The following MBD5 variants were observed in gnomAD, a reference collection of about 807,000 sequenced individuals.
MBD5 encodes the protein methyl-CpG binding domain protein 5.
A neutral mutation model predicts 117.3 loss-of-function variants in MBD5; 13 were observed. The observed-to-expected ratio is 0.11, with a 90% confidence interval of 0.07 to 0.18. The LOEUF (loss-of-function observed/expected upper bound fraction) is 0.18. Among genes scored for constraint, MBD5 ranks in the 10% least tolerant of loss-of-function variants. The pLI is 1.00. For missense variants in MBD5, 1,879 were observed against 2,093.8 expected, an observed-to-expected ratio of 0.90 and a Z score of 2.00; for synonymous variants, 727 against 766.4, an observed-to-expected ratio of 0.95 and a Z score of 0.85.
At chr2:148,154,372 C>A (rs563360076) in intron 1 of MBD5, among the ~76,000 whole-genome samples, 1,879 of 151,788 alleles carry the variant, frequency 0.012, 18 homozygotes, top group African/African-American at 0.033. Flanking sequence ...GCAGAGGTTA[C>A]TGCTGTCTTT....
intron 1 of MBD5, among the ~76,000 whole-genome samples, chr2:148,032,571 A>C (rs1694070562): frequency 6.6e-6 from 1 of 152,130 alleles, no homozygotes; most frequent in African/African-American, 2.4e-5. Flanking sequence ...AGTTTAGAGC[A>C]AGAGTTTGCA....
At chr2:148,328,248 G>A (rs1432147172) in intron 3 of MBD5, among the ~76,000 whole-genome samples, 12 of 152,180 alleles carry the variant, frequency 7.9e-5, no homozygotes, top group Non-Finnish European at 1.8e-4. Flanking sequence ...CTTCAAAGCT[G>A]TCAGACAGGG....
Position 148,470,416 on chromosome 2 carries a change from C to T in MBD5, c.2473C>T (p.Pro825Ser). 2 of 1,611,574 alleles carry T rather than the reference C, an allele frequency of 1.2e-6. No individual in the cohort carries two copies. The highest frequency in any genetic ancestry group is 1.7e-6 in the Non-Finnish European group (2 of 1,178,458). Residue 825 changes from proline to serine, a missense_variant, in exon 8 of 14, where the codon CCA becomes TCA. This residue lies in a region of MBD5 where 1,666 missense variants were observed against 1,792.2 expected (regional missense o/e 0.93). Transcript: ENST00000642680. ...TTCAACGTCCTCCACTCCAGTGATA[C>T]CAAACAGCATTGTTAGCAGCTATAA... Reference protein sequence around the residue: ...RISTSSTPVIPNSIVSSYNQT... With the variant: ...RISTSSTPVISNSIVSSYNQT...
chr2:148,432,653 C>T (rs1706026381), intron 4 of MBD5, among the ~76,000 whole-genome samples: 1 of 151,958 alleles, frequency 6.6e-6, no homozygotes, highest in Admixed American at 6.6e-5. Flanking sequence ...TTGTTGTCAA[C>T]TTTGTTGGAG....
At chr2:148,057,158 G>GT (rs1237199402) in intron 1 of MBD5, among the ~76,000 whole-genome samples, 2 of 151,680 alleles carry the variant, frequency 1.3e-5, no homozygotes, top group African/African-American at 4.8e-5. Context: ...AAAGGAACCA[G>GT]TTTTTTGTAT....
chr2:148,381,852 C>A (rs182632148), intron 4 of MBD5, among the ~76,000 whole-genome samples: 1,958 of 152,204 alleles, frequency 0.013, 52 homozygotes, highest in African/African-American at 0.045. Context: ...CATATCTAGC[C>A]AAACTAAGCT....
At chr2:148,028,114 C>G (rs879292156) in intron 1 of MBD5, 41 of 152,016 alleles carry the variant, frequency 2.7e-4, no homozygotes, top group Non-Finnish European at 4.1e-4. Context: ...AGTTGGATAT[C>G]ACAAATTTTG....
chr2:148,217,967 T>A (rs1203570270), intron 2 of MBD5, among the ~76,000 whole-genome samples: 1 of 152,050 alleles, frequency 6.6e-6, no homozygotes, highest in East Asian at 1.9e-4. Flanking sequence ...TAAAAAACAT[T>A]TTACTCCAAA....
intron 3 of MBD5, among the ~76,000 whole-genome samples, chr2:148,298,548 T>C (rs1264876125): frequency 6.6e-6 from 1 of 152,242 alleles, no homozygotes; most frequent in Non-Finnish European, 1.5e-5. Context: ...TTTATTTTTA[T>C]AATTTTTTAC....
chr2:148,348,865 C>G (rs1197731717), intron 4 of MBD5, among the ~76,000 whole-genome samples: 1 of 151,848 alleles, frequency 6.6e-6, no homozygotes, highest in African/African-American at 2.4e-5. Context: ...AACTGGTTTG[C>G]TTTCAATGTA....
chr2:148,179,156 C>T (rs1698458730), intron 2 of MBD5, among the ~76,000 whole-genome samples: 1 of 152,060 alleles, frequency 6.6e-6, no homozygotes, highest in Admixed American at 6.5e-5. Flanking sequence ...AGATCCAGAC[C>T]ATCCTGGAGA....
At chr2:148,446,949 A>G (rs960525846) in intron 4 of MBD5, among the ~76,000 whole-genome samples, 10 of 152,078 alleles carry the variant, frequency 6.6e-5, no homozygotes, top group Admixed American at 3.3e-4. Context: ...GGCATTTTAT[A>G]TATCCTAAAA....
chr2:148,154,020 G>A (rs200287619), intron 1 of MBD5, among the ~76,000 whole-genome samples: 24,037 of 99,462 alleles, frequency 0.24, 3,539 homozygotes, highest in South Asian at 0.42. Flanking sequence ...GGCGCTCTGC[G>A]TTTTAGAGTT....
At chr2:148,085,507 G>A (rs1211913663) in intron 1 of MBD5, among the ~76,000 whole-genome samples, 1 of 151,718 alleles carries the variant, frequency 6.6e-6, no homozygotes, top group Admixed American at 6.6e-5. Context: ...GGCGGATCAC[G>A]AGGTCAGGAG....
chr2:148,175,971 G>T (rs555721356), intron 1 of MBD5, among the ~76,000 whole-genome samples: 6 of 152,098 alleles, frequency 3.9e-5, no homozygotes, highest in Admixed American at 3.9e-4. Context: ...AACAATGCCT[G>T]TTATCTGGAA....
intron 1 of MBD5, among the ~76,000 whole-genome samples, chr2:148,074,484 GTT>G (rs777885277): frequency 8.1e-6 from 1 of 123,154 alleles, no homozygotes; most frequent in Non-Finnish European, 1.6e-5. Context: ...GGAATAGTTT[GTT>G]TTTTTTTTGT....
At chr2:148,061,207 C>T (rs1349347807) in intron 1 of MBD5, among the ~76,000 whole-genome samples, 1 of 152,026 alleles carries the variant, frequency 6.6e-6, no homozygotes, top group Non-Finnish European at 1.5e-5. Flanking sequence ...CCCTGCTTTG[C>T]TGTTCGTGAT....
At chr2:148,395,790 CAG>C (rs2105030777) in intron 4 of MBD5, among the ~76,000 whole-genome samples, 1 of 152,236 alleles carries the variant, frequency 6.6e-6, no homozygotes, top group African/African-American at 2.4e-5. Context: ...GTTAGTCAGT[CAG>C]CTATACTGAG....
At chr2:148,500,109 A>C (rs1681825916) in intron 11 of MBD5, among the ~76,000 whole-genome samples, 1 of 152,182 alleles carries the variant, frequency 6.6e-6, no homozygotes, top group Admixed American at 6.5e-5. Context: ...TTAAATGAAG[A>C]AACCATGGCA....
Sources: allele counts gnomAD v4.1 joint callset (sites outside exome capture counted in the v4.1 genomes callset), GRCh38; gene constraint gnomAD v4.1.1; regional missense constraint gnomAD v4.1.1; transcripts MANE v1.5; gene names NCBI Gene and HGNC (gene_info 2026-07-23, HGNC 2026-07-21).